The following SMO variants were observed in gnomAD, a reference collection of about 807,000 sequenced individuals.
SMO encodes the protein smoothened, frizzled class receptor.
SMO carries 40 observed loss-of-function variants against 81.6 expected under a neutral mutation model. That is an observed-to-expected ratio of 0.49 (90% confidence interval 0.38 to 0.64). The LOEUF is 0.64. Among genes scored for constraint, SMO ranks in the 30% least tolerant of loss-of-function variants. The probability of loss-of-function intolerance (pLI) is 0.00; values close to 1 mark genes in which losing one functional copy is unlikely to be tolerated. For missense variants in SMO, 916 were observed against 1,061.1 expected, an observed-to-expected ratio of 0.86 and a Z score of 1.90; for synonymous variants, 434 against 432.1, an observed-to-expected ratio of 1.00 and a Z score of -0.05.
At position 129,189,237 on chromosome 7, in the gene SMO, G is replaced by T. The variant is rs1793444561; in HGVS notation, c.86G>T (p.Gly29Val). The change falls in exon 1 of 12, where the codon GGG becomes GTG. Residue 29 changes from glycine (G) to valine (V), a missense_variant. Around this residue, in one of 4 missense-constraint regions of SMO, gnomAD observed 146 missense variants for 149.9 expected, o/e 0.97. Transcript: ENST00000249373. The surrounding 1 kb of genome is among the most constrained non-coding windows in gnomAD (Gnocchi z 4.7). ...LLLLLGDPGR[G>V]AASSGNATGP... Reference sequence around the variant, plus strand: ...CTGCTGCTGGGGGACCCGGGCCGGGGGGCGGCCTCGAGCGGGAACGCGACC... The same window carrying T: ...CTGCTGCTGGGGGACCCGGGCCGGGTGGCGGCCTCGAGCGGGAACGCGACC... 1.7e-6 allele frequency: 2 copies of T among 1,199,648 alleles called. No homozygotes were observed. Among genetic ancestry groups the T allele is most frequent in the Non-Finnish European group, 2.1e-6 (2 of 959,174 alleles). The allele number at this position is 1,199,648 out of a possible 1,614,324, so 74.3% of individuals were successfully genotyped here. A position where few individuals can be genotyped will look rare whatever the true frequency, so the allele number is the denominator to read the frequency against.
At chr7:129,197,758 T>C (rs982972728) in intron 1 of SMO, among the ~76,000 whole-genome samples, 1 of 152,072 alleles carries the variant, frequency 6.6e-6, no homozygotes, top group African/African-American at 2.4e-5. Flanking sequence ...ATTGAGATGA[T>C]CATATGATTT....
In SMO at chr7:129,209,415, A is replaced by T. The variant is rs2150653040; in HGVS notation, c.1466+18A>T. On this transcript the variant is annotated intron_variant, in intron 8 of 11. Coordinates refer to ENST00000249373, the MANE Select transcript of SMO (RefSeq NM_005631.5). Reference sequence around the variant, plus strand: ...TATGTGCTGTGAGTGAGGGGCATGGAGGCGGCAGTGCTGGGAGCTGGAGCC... The same window carrying T: ...TATGTGCTGTGAGTGAGGGGCATGGTGGCGGCAGTGCTGGGAGCTGGAGCC... 6.5e-7 allele frequency: 1 copy of T among 1,544,408 alleles called. No homozygotes were observed. Among genetic ancestry groups the T allele is most frequent in the Non-Finnish European group, 9.0e-7 (1 of 1,116,708 alleles).
chr7:129,188,691 T>A lies in SMO; in HGVS notation c.-461T>A, dbSNP rs1793432933. ...GGAGCCGGGTCGCCGGCGGGGAGAG[T>A]TCGGGGGGCTGCGGCGCGCTGGGGC... is the stretch of plus-strand genomic sequence containing the variant. On this transcript the variant is annotated 5_prime_UTR_variant, in exon 1 of 12. Transcript: ENST00000249373. This position sits in a 1 kb window ranked among gnomAD's most constrained non-coding sequence, Gnocchi z 4.9. Among the ~76,000 whole-genome samples, 1 of 149,020 alleles carries A rather than the reference T, an allele frequency of 6.7e-6. No homozygotes were observed.
rs1584664579 is a variant in SMO at position 129,209,467 on chromosome 7, C to T, written c.1466+70C>T. 4 of 981,256 alleles carry T rather than the reference C, an allele frequency of 4.1e-6. No homozygotes were observed. In the South Asian group the frequency reaches 4.1e-5, roughly 10 times the overall value. The allele number at this position is 981,256 out of a possible 1,614,324, so 60.8% of individuals were successfully genotyped here. A position where few individuals can be genotyped will look rare whatever the true frequency, so the allele number is the denominator to read the frequency against. On this transcript the variant is annotated intron_variant, in intron 8 of 11. Transcript: ENST00000249373. ...AGGCCATAAAGACACCCACCTCCACCCACCGGGCAGCAGGGATTTGCCAGG... is the reference window on the plus strand; with the variant it reads ...AGGCCATAAAGACACCCACCTCCACTCACCGGGCAGCAGGGATTTGCCAGG...
Position 129,189,379 on chromosome 7 carries a change from C to T in SMO, c.228C>T (p.Asn76=), listed in dbSNP as rs968235993. ...CCCCCTGCGAGCCGCTGCGCTACAA[C>T]GTGTGCCTGGGCTCGGTGCTGCCCT... The part of the protein sequence containing the change: ...RAAPCEPLRY[N]VCLGSVLPYG... The change falls in exon 1 of 12, where the codon AAC becomes AAT. Residue 76 remains asparagine, a synonymous_variant. Transcript: ENST00000249373. This position sits in a 1 kb window ranked among gnomAD's most constrained non-coding sequence, Gnocchi z 4.7. 2 of 1,534,958 alleles carry T rather than the reference C, an allele frequency of 1.3e-6. No homozygotes were observed. Among genetic ancestry groups the T allele is most frequent in the African/African-American group, 2.8e-5 (2 of 72,660 alleles).
rs1015033561 is a variant in SMO at position 129,212,574 on chromosome 7, C to T, written c.*123C>T. On this transcript the variant is annotated 3_prime_UTR_variant, in exon 12 of 12. Coordinates refer to ENST00000249373, the MANE Select transcript of SMO (RefSeq NM_005631.5). The surrounding 1 kb of genome is among the most constrained non-coding windows in gnomAD (Gnocchi z 5.0). ...GAGAACCTGTGGGCTGACTGCCCTC[C>T]GAAGAGAGTTCTGGATGTCTGGCTC... is the stretch of plus-strand genomic sequence containing the variant. 9.7e-5 allele frequency: 87 copies of T among 896,780 alleles called. No homozygotes were observed. In the East Asian group the frequency reaches 1.7e-3, roughly 18 times the overall value. 55.6% of individuals were successfully genotyped at this position (896,780 alleles called of 1,614,324 possible).
At chr7:129,203,647 G>C (rs1793709376) in intron 2 of SMO, 58 bp downstream of exon 2, 1 of 1,400,952 alleles carries the variant, frequency 7.1e-7, no homozygotes, top group Admixed American at 1.9e-5. Flanking sequence ...CCGGGTATAG[G>C]GCAGGGTCCA....
rs764065797 is a variant in SMO, at chr7:129,211,033, C to G, written c.1721C>G (p.Ser574Cys). The G allele has an allele frequency of 1.2e-6, 2 of 1,614,060 alleles. No individual in the cohort carries two copies. Among genetic ancestry groups the G allele is most frequent in the Non-Finnish European group, 8.5e-7 (1 of 1,179,960 alleles). ...KKSKMIAKAF[S>C]KRHELLQNPG... ...AGCAAGATGATTGCCAAGGCCTTCT[C>G]TAAGCGGCACGAGCTCCTGCAGAAC... Residue 574 changes from serine to cysteine, a missense_variant, in exon 10 of 12, where the codon TCT becomes TGT. Transcript: ENST00000249373. The surrounding 1 kb of genome is among the most constrained non-coding windows in gnomAD (Gnocchi z 4.6).
rs1291948600 is a variant in SMO at position 129,210,424 on chromosome 7, A to G, written c.1528A>G (p.Lys510Glu). 2 of 1,614,162 alleles carry G rather than the reference A, an allele frequency of 1.2e-6. No homozygotes were observed. Among genetic ancestry groups the G allele is most frequent in the Non-Finnish European group, 1.7e-6 (2 of 1,179,970 alleles). ...GCAGCCCATCCCTGACTGTGAGATCAAGAATCGCCCGAGCCTTCTGGTGGA... is the reference window on the plus strand; with the variant it reads ...GCAGCCCATCCCTGACTGTGAGATCGAGAATCGCCCGAGCCTTCTGGTGGA... ...TKQPIPDCEI[K>E]NRPSLLVEKI... The change falls in exon 9 of 12, where the codon AAG (lysine) becomes GAG (glutamate). Residue 510 changes from lysine to glutamate, a missense_variant. Lys to Glu is a moderately conservative substitution (Grantham distance 56). Coordinates refer to ENST00000249373, the MANE Select transcript of SMO (RefSeq NM_005631.5). The surrounding 1 kb of genome is among the most constrained non-coding windows in gnomAD (Gnocchi z 4.7).
Position 129,212,806 on chromosome 7 carries a change from T to C in SMO, c.*355T>C. The C allele has an allele frequency of 2.9e-6, 1 of 349,462 alleles. No homozygotes were observed. The highest frequency in any genetic ancestry group is 7.0e-5 in the South Asian group (1 of 14,260). 21.6% of individuals were successfully genotyped at this position (349,462 alleles called of 1,614,324 possible). On this transcript the variant is annotated 3_prime_UTR_variant, in exon 12 of 12. Transcript: ENST00000249373. The surrounding 1 kb of genome is among the most constrained non-coding windows in gnomAD (Gnocchi z 5.0). ...GAGGTGACAGTTCCCAGAGTGGGCT[T>C]TGGTGGCCAGGGAGGCAGCCTAGCC...
chr7:129,206,990 A>C lies in SMO; in HGVS notation c.1264+403A>C, dbSNP rs1379427476. Among the ~76,000 whole-genome samples the C allele has an allele frequency of 6.6e-6, 1 of 152,176 alleles. No individual in the cohort carries two copies. Among genetic ancestry groups the C allele is most frequent in the Non-Finnish European group, 1.5e-5 (1 of 68,032 alleles). ...CTCCCCCATAGCTAAAATTACAGGCATGCACCACCACGTCTGGCTAATTTT... is the reference window on the plus strand; with the variant it reads ...CTCCCCCATAGCTAAAATTACAGGCCTGCACCACCACGTCTGGCTAATTTT... On this transcript the variant is annotated intron_variant, in intron 6 of 11. Transcript: ENST00000249373. This position sits in a 1 kb window ranked among gnomAD's most constrained non-coding sequence, Gnocchi z 4.4.
In SMO at chr7:129,206,495, T is replaced by C; in HGVS notation, c.1172T>C (p.Phe391Ser). The C allele has an allele frequency of 6.2e-7, 1 of 1,614,126 alleles. No individual in the cohort carries two copies. Among genetic ancestry groups the C allele is most frequent in the East Asian group, 2.2e-5 (1 of 44,878 alleles). ...VDGDSVSGIC[F>S]VGYKNYRYRA... The stretch of plus-strand genomic sequence containing the variant: ...GGGGACTCTGTGAGTGGGATTTGTT[T>C]TGTGGGCTACAAGAACTACCGATAC... Residue 391 changes from phenylalanine (F) to serine (S), a missense_variant, in exon 6 of 12, where the codon TTT (phenylalanine) becomes TCT (serine). By Grantham distance (155) the Phe-to-Ser change is radical. This residue lies in a region of SMO where 436 missense variants were observed against 570.9 expected (regional missense o/e 0.76). Transcript: ENST00000249373. The surrounding 1 kb of genome is among the most constrained non-coding windows in gnomAD (Gnocchi z 4.4).
Position 129,206,032 on chromosome 7 carries a change from C to A in SMO, c.921-118C>A. On this transcript the variant is annotated intron_variant, in intron 4 of 11. Transcript: ENST00000249373. This position sits in a 1 kb window ranked among gnomAD's most constrained non-coding sequence, Gnocchi z 4.4. Reference sequence around the variant, plus strand: ...ATCTGACCTGGGTCCTGTCTCCAAGCCCTGACTTCTGGGAACCTCCAGACC... The same window carrying A: ...ATCTGACCTGGGTCCTGTCTCCAAGACCTGACTTCTGGGAACCTCCAGACC... 1.1e-6 allele frequency: 1 copy of A among 923,012 alleles called. No individual in the cohort carries two copies. The highest frequency in any genetic ancestry group is 1.7e-6 in the Non-Finnish European group (1 of 595,006). The allele number at this position is 923,012 out of a possible 1,614,324, so 57.2% of individuals were successfully genotyped here.
At position 129,188,923 on chromosome 7, in the gene SMO, C is replaced by G. The variant is rs1793436871; in HGVS notation, c.-229C>G. ...GCTAGGGCTTGGGGAGTCGTGCATC[C>G]CGTTCCGGGCCTCCGCAGCCCAACA... On this transcript the variant is annotated 5_prime_UTR_variant, in exon 1 of 12. Coordinates refer to ENST00000249373, the MANE Select transcript of SMO (RefSeq NM_005631.5). The surrounding 1 kb of genome is among the most constrained non-coding windows in gnomAD (Gnocchi z 4.9). 2.9e-6 allele frequency: 1 copy of G among 341,694 alleles called. No individual in the cohort carries two copies. The highest frequency in any genetic ancestry group is 4.8e-5 in the Admixed American group (1 of 20,694). 21.2% of individuals were successfully genotyped at this position (341,694 alleles called of 1,614,324 possible). A position where few individuals can be genotyped will look rare whatever the true frequency, so the allele number is the denominator to read the frequency against.
Position 129,189,736 on chromosome 7 carries a change from C to T in SMO, c.331+254C>T, listed in dbSNP as rs149969720. Among the ~76,000 whole-genome samples, 696 of 152,024 alleles carry T rather than the reference C, an allele frequency of 4.6e-3. 7 individuals are homozygous for T. The highest frequency in any genetic ancestry group is 0.016 in the African/African-American group (671 of 41,466). On this transcript the variant is annotated intron_variant, in intron 1 of 11. Transcript: ENST00000249373. This position sits in a 1 kb window ranked among gnomAD's most constrained non-coding sequence, Gnocchi z 4.7. ...GAGCTGGTGGGTGAGCAAAGGATGG[C>T]GGGGATGAGGGGCCCGTGAGGAGGT...
chr7:129,189,262 C>T lies in SMO; in HGVS notation c.111C>T (p.Thr37=). 2 of 1,253,318 alleles carry T rather than the reference C, an allele frequency of 1.6e-6. No homozygotes were observed. Among genetic ancestry groups the T allele is most frequent in the East Asian group, 3.2e-5 (1 of 31,286 alleles). The allele number at this position is 1,253,318 out of a possible 1,614,324, so 77.6% of individuals were successfully genotyped here. ...GGGCGGCCTCGAGCGGGAACGCGAC[C>T]GGGCCTGGGCCTCGGAGCGCGGGCG... The part of the protein sequence containing the change: ...GRGAASSGNA[T]GPGPRSAGGS... Residue 37 remains threonine, a synonymous_variant, in exon 1 of 12, where the codon ACC becomes ACT. Transcript: ENST00000249373. The surrounding 1 kb of genome is among the most constrained non-coding windows in gnomAD (Gnocchi z 4.7).
At chr7:129,196,747 G>C (rs898737260) in intron 1 of SMO, among the ~76,000 whole-genome samples, 11 of 152,024 alleles carry the variant, frequency 7.2e-5, no homozygotes, top group Non-Finnish European at 1.5e-4. Context: ...GCTGGGCACG[G>C]TGGCTCACAC....
rs556213128 is a variant in SMO, at chr7:129,212,633, C to T, written c.*182C>T. 4.7e-6 allele frequency: 3 copies of T among 632,184 alleles called. No individual in the cohort carries two copies. The highest frequency in any genetic ancestry group is 8.1e-6 in the Non-Finnish European group (3 of 368,242). 39.2% of individuals were successfully genotyped at this position (632,184 alleles called of 1,614,324 possible). A position where few individuals can be genotyped will look rare whatever the true frequency, so the allele number is the denominator to read the frequency against. On this transcript the variant is annotated 3_prime_UTR_variant, in exon 12 of 12. Coordinates refer to ENST00000249373, the MANE Select transcript of SMO (RefSeq NM_005631.5). The surrounding 1 kb of genome is among the most constrained non-coding windows in gnomAD (Gnocchi z 5.0). The stretch of plus-strand genomic sequence containing the variant: ...AGGACTGTGGGAAAGAGCCTAACAT[C>T]TCCATGGGGAGGCCTCACCCCAGGG...
At chr7:129,198,719 C>T (rs1427265531) in intron 1 of SMO, among the ~76,000 whole-genome samples, 1 of 152,216 alleles carries the variant, frequency 6.6e-6, no homozygotes, top group Non-Finnish European at 1.5e-5. Context: ...TAGCAACATG[C>T]TGTACAGGTT....
Sources: allele counts gnomAD v4.1 joint callset (sites outside exome capture counted in the v4.1 genomes callset), GRCh38; gene constraint gnomAD v4.1.1; regional missense constraint gnomAD v4.1.1; non-coding constraint Gnocchi (gnomAD v3.1); transcripts MANE v1.5; gene names NCBI Gene and HGNC (gene_info 2026-07-23, HGNC 2026-07-21).